HIVEP2: variants seen among roughly 807,000 people sequenced by gnomAD.
HIVEP2 encodes transcription factor HIVEP2.
HIVEP2 carries 14 observed loss-of-function variants against 180.7 expected under a neutral mutation model. That is an observed-to-expected ratio of 0.08 (90% CI 0.05 to 0.12). The LOEUF is 0.12. HIVEP2 is among the 10% of genes least tolerant of loss of function. HIVEP2 has a pLI of 1.00. For missense variants in HIVEP2, 2,579 were observed against 3,008.5 expected (o/e 0.86, Z 3.34); for synonymous variants, 1,184 against 1,136.4 (o/e 1.04, Z -0.84).
chr6:142,818,779 AAG>A (rs1308929055), intron 2 of HIVEP2, among the ~76,000 whole-genome samples: 8 of 148,048 alleles, frequency 5.4e-5, no homozygotes, highest in African/African-American at 2.5e-5. Flanking sequence ...GAAAGAAAGA[AAG>A]AAAGAAAGAA....
intron 2 of HIVEP2, among the ~76,000 whole-genome samples, chr6:142,792,133 T>C (rs1409331289): frequency 4.6e-5 from 7 of 152,124 alleles, no homozygotes; most frequent in Admixed American, 2.0e-4. Flanking sequence ...AGAACTTTAG[T>C]TGGCAGACAC....
In HIVEP2 at chr6:142,887,954, T is replaced by C. The variant is rs1010327055; in HGVS notation, c.-640-50907A>G. Among the ~76,000 whole-genome samples, 46 of 98,150 alleles carry C rather than the reference T, an allele frequency of 4.7e-4. 1 individual carries two copies. Among genetic ancestry groups the C allele is most frequent in the African/African-American group, 1.8e-3 (44 of 24,166 alleles). The allele number at this position is 98,150 out of a possible 152,430, so 64.4% of individuals were successfully genotyped here. A position where few individuals can be genotyped will look rare whatever the true frequency, so the allele number is the denominator to read the frequency against. On this transcript the variant is annotated intron_variant, in intron 1 of 9. Coordinates refer to ENST00000367603, the MANE Select transcript of HIVEP2 (RefSeq NM_006734.4). ...AAGGGGAGGATATAGCAAAGGGCGA[T>C]GCAGCAAAAAAAAAAAAAAATTGCT...
intron 1 of HIVEP2, among the ~76,000 whole-genome samples, chr6:142,894,089 T>A (rs1346592256): frequency 6.6e-6 from 1 of 152,214 alleles, no homozygotes; most frequent in Non-Finnish European, 1.5e-5. Flanking sequence ...ACAAGTTAAG[T>A]CTATTGCTTA....
intron 2 of HIVEP2, among the ~76,000 whole-genome samples, chr6:142,802,726 G>T (rs1217986373): frequency 6.6e-6 from 1 of 151,884 alleles, no homozygotes; most frequent in Non-Finnish European, 1.5e-5. Flanking sequence ...CCCTAATAAG[G>T]GAATATCATG....
intron 1 of HIVEP2, among the ~76,000 whole-genome samples, chr6:142,925,968 A>C (rs1282557609): frequency 2.0e-5 from 3 of 152,254 alleles, no homozygotes; most frequent in Non-Finnish European, 1.5e-5. Flanking sequence ...TGAGTCAACC[A>C]GGGACGTAAT....
rs1765470502 is a variant in HIVEP2, at chr6:142,772,370, C to A, written c.2369G>T (p.Gly790Val). The change falls in exon 5 of 10, where the codon GGG (glycine) becomes GTG (valine). Residue 790 changes from glycine (G) to valine (V), a missense_variant. Transcript: ENST00000367603. The surrounding 1 kb of genome is among the most constrained non-coding windows in gnomAD (Gnocchi z 4.9). ...CACATTTCCAGGAGGTTTCCTGCCCCCTAGGTCTGACATCTTGTCTGAATC... is the reference window on the plus strand; with the variant it reads ...CACATTTCCAGGAGGTTTCCTGCCCACTAGGTCTGACATCTTGTCTGAATC... ...AIDSDKMSDL[G>V]GRKPPGNVIS... 6.2e-7 allele frequency: 1 copy of A among 1,614,208 alleles called. No homozygotes were observed. Among genetic ancestry groups the A allele is most frequent in the South Asian group, 1.1e-5 (1 of 91,086 alleles).
rs1370035507 is a variant in HIVEP2, at chr6:142,774,474, G to T, written c.265C>A (p.Pro89Thr). ...VAEKQYPPHR[P>T]SPYSCQHSLS... ...GAGTGTTGGCATGAGTAAGGACTCG[G>T]ACGATGCGGTGGATATTGCTTCTCT... The change falls in exon 5 of 10, where the codon CCG (proline) becomes ACG (threonine). Residue 89 changes from proline to threonine, a missense_variant. By Grantham distance (38) the Pro-to-Thr change is conservative (BLOSUM62 -1). This residue lies in a region of HIVEP2 where 207 missense variants were observed against 210.1 expected (regional missense o/e 0.99). Transcript: ENST00000367603. The surrounding 1 kb of genome is among the most constrained non-coding windows in gnomAD (Gnocchi z 5.1). 1 of 1,614,144 alleles carries T rather than the reference G, an allele frequency of 6.2e-7. No individual in the cohort carries two copies. Among genetic ancestry groups the T allele is most frequent in the Non-Finnish European group, 8.5e-7 (1 of 1,180,030 alleles).
chr6:142,808,114 G>C (rs960431136), intron 2 of HIVEP2, among the ~76,000 whole-genome samples: 1 of 152,140 alleles, frequency 6.6e-6, no homozygotes, highest in African/African-American at 2.4e-5. Flanking sequence ...CTAGGCTGTA[G>C]AAAGATGGCT....
intron 1 of HIVEP2, among the ~76,000 whole-genome samples, chr6:142,875,804 T>C (rs1240447579): frequency 6.6e-6 from 1 of 152,174 alleles, no homozygotes; most frequent in Non-Finnish European, 1.5e-5. Context: ...GATAGTTCTC[T>C]TTTGCCTATT....
At chr6:142,761,317 G>C in intron 8 of HIVEP2, 147 bp downstream of exon 8, 1 of 515,286 alleles carries the variant, frequency 1.9e-6, no homozygotes, top group Non-Finnish European at 3.4e-6. Flanking sequence ...GCAATTCAAT[G>C]TGTCAGTTTT....
intron 2 of HIVEP2, among the ~76,000 whole-genome samples, chr6:142,825,730 A>T (rs1774877399): frequency 6.6e-6 from 1 of 152,328 alleles, no homozygotes; most frequent in East Asian, 1.9e-4. Context: ...TAAAAATGCT[A>T]TCGTGAGTTA....
intron 1 of HIVEP2, among the ~76,000 whole-genome samples, chr6:142,901,089 C>T (rs1777122994): frequency 6.6e-6 from 1 of 152,098 alleles, no homozygotes; most frequent in South Asian, 2.1e-4. Flanking sequence ...TTTTTTACTC[C>T]TTATAAAATT....
At chr6:142,782,846 A>T (rs1775890504) in intron 3 of HIVEP2, among the ~76,000 whole-genome samples, 1 of 152,238 alleles carries the variant, frequency 6.6e-6, no homozygotes, top group African/African-American at 2.4e-5. Flanking sequence ...TATTTTGGCT[A>T]CAGCATGCTG....
intron 1 of HIVEP2, among the ~76,000 whole-genome samples, chr6:142,915,530 T>C (rs887744559): frequency 2.6e-5 from 4 of 152,174 alleles, no homozygotes; most frequent in African/African-American, 9.6e-5. Flanking sequence ...ATAGATGTCT[T>C]TTGTTTTCAG....
intron 1 of HIVEP2, among the ~76,000 whole-genome samples, chr6:142,875,466 T>C (rs550307801): frequency 1.3e-5 from 2 of 152,294 alleles, no homozygotes; most frequent in Admixed American, 6.5e-5. Flanking sequence ...TATTATATAA[T>C]TTATATTTAA....
intron 1 of HIVEP2, among the ~76,000 whole-genome samples, chr6:142,941,331 G>T: frequency 6.6e-6 from 1 of 152,164 alleles, no homozygotes; most frequent in East Asian, 1.9e-4. Flanking sequence ...AAATTAGTTA[G>T]TGGCATCTCA....
chr6:142,812,308 G>A (rs1391213818), intron 2 of HIVEP2, among the ~76,000 whole-genome samples: 1 of 152,160 alleles, frequency 6.6e-6, no homozygotes, highest in African/African-American at 2.4e-5. Context: ...TATTCACAAA[G>A]GGCCGCCAGC....
chr6:142,760,200 A>T lies in HIVEP2; in HGVS notation c.6088T>A (p.Ser2030Thr), dbSNP rs1228631684. The T allele has an allele frequency of 1.9e-6, 3 of 1,613,942 alleles. No individual in the cohort carries two copies. In the East Asian group the frequency reaches 6.7e-5, roughly 36 times the overall value. Residue 2030 changes from serine (S) to threonine (T), a missense_variant, in exon 9 of 10, where the codon TCA (serine) becomes ACA (threonine). By Grantham distance (58) the Ser-to-Thr change is moderately conservative (BLOSUM62 1). Around this residue, in one of 11 missense-constraint regions of HIVEP2, gnomAD observed 660 missense variants for 731.7 expected, o/e 0.90. Coordinates refer to ENST00000367603, the MANE Select transcript of HIVEP2 (RefSeq NM_006734.4). ...SCMDEECMLPSEPSSSPRDFS... is the reference protein window; with the variant it reads ...SCMDEECMLPTEPSSSPRDFS... ...TCCCTGGGAGAGGAGCTTGGCTCTG[A>T]AGGTAGCATGCACTCCTCATCCATA...
chr6:142,854,887 GA>G (rs1249741237), intron 1 of HIVEP2, among the ~76,000 whole-genome samples: 4 of 152,126 alleles, frequency 2.6e-5, no homozygotes, highest in African/African-American at 9.7e-5. Flanking sequence ...CCGGATGTAG[GA>G]AAAAGAATGA....
Sources: allele counts gnomAD v4.1 joint callset (sites outside exome capture counted in the v4.1 genomes callset), GRCh38; gene constraint gnomAD v4.1.1; regional missense constraint gnomAD v4.1.1; non-coding constraint Gnocchi (gnomAD v3.1); transcripts MANE v1.5; gene names NCBI Gene and HGNC (gene_info 2026-07-23, HGNC 2026-07-21).